Variants in SH3PXD2A observed in about 807,000 individuals in gnomAD.
SH3PXD2A encodes the protein SH3 and PX domains 2A.
Under a neutral mutation model 115.2 loss-of-function variants are expected in SH3PXD2A, and 32 were observed. That is an observed-to-expected ratio of 0.28 (90% confidence interval 0.21 to 0.37). The LOEUF is 0.37. SH3PXD2A is among the 10% of genes least tolerant of loss of function. The pLI is 1.00. For synonymous variants in SH3PXD2A, 610 were observed against 629.1 expected (o/e 0.97, Z 0.45); for missense variants, 1,328 against 1,498.7 (o/e 0.89, Z 1.88).
chr10:103,661,013 C>T lies in SH3PXD2A; in HGVS notation c.574G>A (p.Val192Met), dbSNP rs1235904657. The change falls in exon 8 of 15, where the codon GTG (valine) becomes ATG (methionine). Residue 192 changes from valine (V) to methionine (M), a missense_variant. Val to Met is a conservative substitution (Grantham distance 21). This residue lies in a region of SH3PXD2A where 509 missense variants were observed against 628.3 expected (regional missense o/e 0.81). Coordinates refer to ENST00000369774, the MANE Select transcript of SH3PXD2A (RefSeq NM_001394015.1). ...NSELSLQAGE[V>M]VDVIEKNESG... ...TCGTTCTTCTCGATGACATCCACCA[C>T]CTCCCCGGCCTGGAGGCTCAGCTCC... 8 of 1,614,148 alleles carry T rather than the reference C, an allele frequency of 5.0e-6. No homozygotes were observed. Among genetic ancestry groups the T allele is most frequent in the Non-Finnish European group, 6.8e-6 (8 of 1,180,010 alleles).
Position 103,620,065 on chromosome 10 carries a change from A to G in SH3PXD2A, c.802+2405T>C, listed in dbSNP as rs541889270. On this transcript the variant is annotated intron_variant, in intron 10 of 14. Coordinates refer to ENST00000369774, the MANE Select transcript of SH3PXD2A (RefSeq NM_001394015.1). The surrounding 1 kb of genome is among the most constrained non-coding windows in gnomAD (Gnocchi z 5.3). ...GGAAGAGAGACTTGCCTGGGCCACA[A>G]ACCCCATCTGGGGGCGCCAGACAAG... 6.6e-6 allele frequency among the ~76,000 whole-genome samples: 1 copy of G among 152,358 alleles called. No individual in the cohort carries two copies. The highest frequency in any genetic ancestry group is 1.9e-4 in the East Asian group (1 of 5,182).
chr10:103,724,292 C>T lies in SH3PXD2A; in HGVS notation c.376G>A (p.Glu126Lys), dbSNP rs748879853. 12 of 1,576,992 alleles carry T rather than the reference C, an allele frequency of 7.6e-6. No individual in the cohort carries two copies. Among genetic ancestry groups the T allele is most frequent in the African/African-American group, 4.2e-5 (3 of 72,240 alleles). Reference sequence around the variant, plus strand: ...TACTCTTTTGGAGGGTTGACATCCTCGGGTCGAGCCTCGAAGAACCGGAAG... The same window carrying T: ...TACTCTTTTGGAGGGTTGACATCCTTGGGTCGAGCCTCGAAGAACCGGAAG... ...EVFRFFEARPEDVNPPKEDYG... is the reference protein window; with the variant it reads ...EVFRFFEARPKDVNPPKEDYG... The change falls in exon 5 of 15, where the codon GAG becomes AAG. Residue 126 changes from glutamate to lysine, a missense_variant. Glu to Lys is a moderately conservative substitution (Grantham distance 56). Transcript: ENST00000369774.
intron 2 of SH3PXD2A, among the ~76,000 whole-genome samples, chr10:103,778,345 CG>C (rs1564886854): frequency 6.6e-6 from 1 of 151,914 alleles, no homozygotes; most frequent in South Asian, 2.1e-4. Context: ...AAAAAAAAGG[CG>C]GGGGGAAATG....
At chr10:103,714,794 C>T (rs889410932) in intron 5 of SH3PXD2A, among the ~76,000 whole-genome samples, 8 of 152,374 alleles carry the variant, frequency 5.3e-5, no homozygotes, top group East Asian at 1.9e-4. Flanking sequence ...GTGTGGCCCA[C>T]GTCCCTGGCC....
At chr10:103,662,369 A>C (rs1592288473) in intron 7 of SH3PXD2A, among the ~76,000 whole-genome samples, 4 of 103,870 alleles carry the variant, frequency 3.9e-5, no homozygotes, top group Non-Finnish European at 5.7e-5. Flanking sequence ...GGGATAAGAC[A>C]CTTAAAATAT....
intron 5 of SH3PXD2A, among the ~76,000 whole-genome samples, chr10:103,719,968 C>T (rs1359434778): frequency 6.6e-6 from 1 of 152,192 alleles, no homozygotes; most frequent in Non-Finnish European, 1.5e-5. Context: ...GATCCACCCG[C>T]CTTGGGCTCC....
chr10:103,738,095 T>C (rs1437484940), intron 3 of SH3PXD2A, among the ~76,000 whole-genome samples: 1 of 152,190 alleles, frequency 6.6e-6, no homozygotes, highest in Non-Finnish European at 1.5e-5. Flanking sequence ...CTCTCCTTCA[T>C]CATCTTTTCT....
At chr10:103,617,962 G>T (rs561578610) in intron 10 of SH3PXD2A, among the ~76,000 whole-genome samples, 3 of 152,204 alleles carry the variant, frequency 2.0e-5, no homozygotes, top group Non-Finnish European at 4.4e-5. Flanking sequence ...CATGTGTTTT[G>T]TTAAGACAAG....
At chr10:103,827,320 C>T (rs1214943467) in intron 1 of SH3PXD2A, among the ~76,000 whole-genome samples, 1 of 152,182 alleles carries the variant, frequency 6.6e-6, no homozygotes, top group African/African-American at 2.4e-5. Flanking sequence ...TGCCCACTCC[C>T]TCCTTTCTCC....
chr10:103,828,687 T>C (rs769441003), intron 1 of SH3PXD2A, among the ~76,000 whole-genome samples: 4 of 152,182 alleles, frequency 2.6e-5, no homozygotes, highest in Non-Finnish European at 5.9e-5. Flanking sequence ...CCATCAGCCC[T>C]ATGGCCAAGT....
chr10:103,613,093 T>A lies in SH3PXD2A; in HGVS notation c.1018A>T (p.Ile340Phe). 1 of 1,614,180 alleles carries A rather than the reference T, an allele frequency of 6.2e-7. No individual in the cohort carries two copies. Among genetic ancestry groups the A allele is most frequent in the Non-Finnish European group, 8.5e-7 (1 of 1,180,000 alleles). The change falls in exon 12 of 15, where the codon ATC (isoleucine) becomes TTC (phenylalanine). Residue 340 changes from isoleucine to phenylalanine, a missense_variant. Transcript: ENST00000369774. ...CTGATCTCCATGATGTTCCCAATGA[T>A]CTCCACTGGGCCGGCCAGGTTCTTC... is the stretch of plus-strand genomic sequence containing the variant. ...RKKNLAGPVE[I>F]IGNIMEISNL...
chr10:103,791,714 C>T (rs1398061551), intron 2 of SH3PXD2A, among the ~76,000 whole-genome samples: 1 of 151,906 alleles, frequency 6.6e-6, no homozygotes, highest in African/African-American at 2.4e-5. Flanking sequence ...TTGCTCTGGA[C>T]CTGAGAGGCC....
At chr10:103,801,570 C>CACACACACACACACA (rs3221859) in intron 1 of SH3PXD2A, among the ~76,000 whole-genome samples, 1 of 150,966 alleles carries the variant, frequency 6.6e-6, no homozygotes, top group Non-Finnish European at 1.5e-5. Flanking sequence ...CACACACATA[C>CACACACACACACACA]CCCTAGAGGG....
Position 103,756,497 on chromosome 10 carries a change from C to A in SH3PXD2A, c.229+10597G>T, listed in dbSNP as rs919431151. ...CCCGAGCCCTCAGTGAAACCTGGAC[C>A]CAGAAACCAGAGTGCCCAGTGCCCA... On this transcript the variant is annotated intron_variant, in intron 3 of 14. Transcript: ENST00000369774. This position sits in a 1 kb window ranked among gnomAD's most constrained non-coding sequence, Gnocchi z 4.4. 6.6e-6 allele frequency among the ~76,000 whole-genome samples: 1 copy of A among 152,140 alleles called. No homozygotes were observed. Among genetic ancestry groups the A allele is most frequent in the Non-Finnish European group, 1.5e-5 (1 of 68,022 alleles).
At chr10:103,791,782 G>A (rs868514965) in intron 2 of SH3PXD2A, among the ~76,000 whole-genome samples, 8 of 152,036 alleles carry the variant, frequency 5.3e-5, no homozygotes, top group Middle Eastern at 3.4e-3. Flanking sequence ...ACGAGAAGTT[G>A]CAAACTCCAT....
chr10:103,836,989 A>C (rs2039550213), intron 1 of SH3PXD2A, among the ~76,000 whole-genome samples: 1 of 152,160 alleles, frequency 6.6e-6, no homozygotes, highest in Non-Finnish European at 1.5e-5. Flanking sequence ...TGACGGATGA[A>C]GATATTAGAT....
At chr10:103,649,774 A>G (rs1222198574) in intron 8 of SH3PXD2A, among the ~76,000 whole-genome samples, 1 of 152,244 alleles carries the variant, frequency 6.6e-6, no homozygotes, top group African/African-American at 2.4e-5. Context: ...CAGAAAACAA[A>G]AGAGAAAGAC....
At chr10:103,748,797 C>T (rs917960301) in intron 3 of SH3PXD2A, among the ~76,000 whole-genome samples, 1 of 151,998 alleles carries the variant, frequency 6.6e-6, no homozygotes, top group African/African-American at 2.4e-5. Flanking sequence ...TGAAAGGTGC[C>T]AAAGAGACTG....
chr10:103,818,780 C>G (rs1201188224), intron 1 of SH3PXD2A, among the ~76,000 whole-genome samples: 3 of 152,126 alleles, frequency 2.0e-5, no homozygotes, highest in Admixed American at 6.6e-5. Flanking sequence ...TTGGGCCAGC[C>G]TTCTCCCATG....
Sources: gnomAD v4.1 joint callset for allele counts (sites outside exome capture counted in the v4.1 genomes callset) on GRCh38, gnomAD v4.1.1 for gene constraint, gnomAD v4.1.1 regional missense constraint, Gnocchi (gnomAD v3.1) non-coding constraint, MANE v1.5 for transcripts, NCBI Gene and HGNC (gene_info 2026-07-23, HGNC 2026-07-21) for gene names.